RELL1: variants seen among roughly 807,000 people sequenced by gnomAD.
The protein encoded by RELL1 is RELT like 1, also known as RELT-like protein 1.
In RELL1, 10 loss-of-function variants were observed where a neutral mutation model predicts 23.0. The ratio of observed to expected loss-of-function variants is 0.43; its 90% CI spans 0.27 to 0.74. The LOEUF (loss-of-function observed/expected upper bound fraction) is 0.74. Ranked by LOEUF, RELL1 falls within the 30% of genes least tolerant of loss-of-function variation. The pLI is 0.19. For missense variants in RELL1, 315 were observed against 364.4 expected (o/e 0.86, Z 1.10); for synonymous variants, 146 against 146.8 (o/e 0.99, Z 0.04).
Position 37,679,883 on chromosome 4 carries a change from C to T in RELL1, c.88+6317G>A, listed in dbSNP as rs1028060183. Among the ~76,000 whole-genome samples, 5 of 150,450 alleles carry T rather than the reference C, an allele frequency of 3.3e-5. No homozygotes were observed. In the East Asian group the frequency reaches 5.9e-4, roughly 18 times the overall value. ...AGGAGAATCTCTTGAACCCGGGAGG[C>T]GGAGCTTGCAGTGACCCGAGATCAC... is the stretch of plus-strand genomic sequence containing the variant. On this transcript the variant is annotated intron_variant, in intron 1 of 6. Transcript: ENST00000454158.
intron 6 of RELL1, among the ~76,000 whole-genome samples, chr4:37,600,775 T>TTG (rs1164247377): frequency 3.7e-5 from 2 of 54,734 alleles, no homozygotes; most frequent in South Asian, 7.3e-4. Context: ...TAGTATGGAT[T>TTG]TGTGCGTGTG....
At chr4:37,622,695 G>A in intron 6 of RELL1, 1 of 413,880 alleles carries the variant, frequency 2.4e-6, no homozygotes, top group Non-Finnish European at 4.7e-6. Context: ...ATAAGCACTA[G>A]GATAGAAGCT....
chr4:37,598,252 C>CAAAAAAAA lies in RELL1; in HGVS notation c.*4-7043_*4-7036dup, dbSNP rs56142508. 9.7e-4 allele frequency among the ~76,000 whole-genome samples: 11 copies of CAAAAAAAA among 11,342 alleles called. 1 individual carries two copies. Among genetic ancestry groups the CAAAAAAAA allele is most frequent in the African/African-American group, 3.4e-3 (9 of 2,672 alleles). The allele number at this position is 11,342 out of a possible 152,430, so 7.4% of individuals were successfully genotyped here. On this transcript the variant is annotated intron_variant, in intron 6 of 6. Transcript: ENST00000314117. ...TGGGAAACAAAGTGCAACTCTGTCT[C>CAAAAAAAA]AAAAAAAAAAAAAAAAAAAAAAAAA...
At chr4:37,649,568 G>C (rs1720827322) in intron 1 of RELL1, 68 bp from the exon 2 acceptor site, 18 of 1,398,540 alleles carry the variant, frequency 1.3e-5, no homozygotes, top group South Asian at 7.4e-5. Flanking sequence ...ATGACTCTCA[G>C]GTAATGTTCA....
intron 4 of RELL1, 66 bp from the exon 5 acceptor site, chr4:37,635,189 TC>T: frequency 8.0e-7 from 1 of 1,251,170 alleles, no homozygotes; most frequent in South Asian, 1.2e-5. Context: ...GTGATCTCTC[TC>T]CCTGTGATGA....
chr4:37,651,549 T>G (rs1720938830), intron 1 of RELL1, among the ~76,000 whole-genome samples: 1 of 152,218 alleles, frequency 6.6e-6, no homozygotes, highest in South Asian at 2.1e-4. Context: ...GAATCCGTAT[T>G]GTAATTGAGA....
At chr4:37,635,191 C>G (rs940318544) in intron 4 of RELL1, 68 bp from the exon 5 acceptor site, 3 of 1,237,412 alleles carry the variant, frequency 2.4e-6, no homozygotes, top group African/African-American at 3.0e-5. Context: ...GATCTCTCTC[C>G]CTGTGATGAC....
chr4:37,639,684 C>T (rs1720457084), intron 3 of RELL1, among the ~76,000 whole-genome samples: 1 of 152,188 alleles, frequency 6.6e-6, no homozygotes, highest in African/African-American at 2.4e-5. Flanking sequence ...ATTGGCAAGG[C>T]CAAATGTTAT....
chr4:37,632,534 C>T (rs17577529), intron 5 of RELL1, among the ~76,000 whole-genome samples: 3,955 of 152,200 alleles, frequency 0.026, 200 homozygotes, highest in East Asian at 0.12. Context: ...ATTAGACTGA[C>T]GTAACCAGAA....
At chr4:37,594,403 T>A (rs769047649) in intron 6 of RELL1, among the ~76,000 whole-genome samples, 2 of 152,206 alleles carry the variant, frequency 1.3e-5, no homozygotes, top group Non-Finnish European at 2.9e-5. Flanking sequence ...TGGAAGGCAC[T>A]AACTGTGATT....
At chr4:37,624,212 T>C (rs978959326) in intron 6 of RELL1, among the ~76,000 whole-genome samples, 1 of 151,608 alleles carries the variant, frequency 6.6e-6, no homozygotes, top group Non-Finnish European at 1.5e-5. Context: ...CATGAAAGAG[T>C]CTTGACAAAG....
At chr4:37,626,199 C>T (rs962248435) in intron 6 of RELL1, among the ~76,000 whole-genome samples, 2 of 152,018 alleles carry the variant, frequency 1.3e-5, no homozygotes, top group Non-Finnish European at 2.9e-5. Context: ...AAAAATAGAC[C>T]GGGCACAGTG....
At chr4:37,651,608 T>G (rs1720941179) in intron 1 of RELL1, among the ~76,000 whole-genome samples, 1 of 152,194 alleles carries the variant, frequency 6.6e-6, no homozygotes, top group African/African-American at 2.4e-5. Context: ...GGGTCCCTGG[T>G]GAAACCCCAC....
chr4:37,647,214 GA>G (rs1720740465), intron 3 of RELL1, among the ~76,000 whole-genome samples, 153 bp downstream of exon 3: 1 of 152,206 alleles, frequency 6.6e-6, no homozygotes, highest in Non-Finnish European at 1.5e-5. Flanking sequence ...TCACTCATGT[GA>G]AACTTGCGTA....
intron 6 of RELL1, among the ~76,000 whole-genome samples, chr4:37,628,569 TACA>T (rs1250544815): frequency 3.9e-5 from 6 of 152,318 alleles, no homozygotes; most frequent in Non-Finnish European, 8.8e-5. Context: ...GAAAATCAAT[TACA>T]ACAAGTTGGA....
chr4:37,665,378 T>G (rs1207332511), intron 1 of RELL1: 2 of 447,434 alleles, frequency 4.5e-6, no homozygotes, highest in Non-Finnish European at 8.9e-6. Context: ...GTTTCCAGTT[T>G]GCAAAGATCC....
Position 37,631,506 on chromosome 4 carries a change from A to T in RELL1, c.698T>A (p.Val233Glu), listed in dbSNP as rs901447009. The change falls in exon 6 of 7, where the codon GTG (valine) becomes GAG (glutamate). Residue 233 changes from valine (V) to glutamate (E), a missense_variant. By Grantham distance (121) the Val-to-Glu change is moderately radical. Transcript: ENST00000454158. ...TTCCTTCTGGTTTGACTTGTGCTCC[A>T]CTTTTGTAACTCTAAATCTGAGGGG... ...LSVGRFRVTK[V>E]EHKSNQKERR... is the part of the protein sequence containing the mutation. The T allele has an allele frequency of 1.9e-6, 3 of 1,613,786 alleles. No homozygotes were observed. In the African/African-American group the frequency reaches 4.0e-5, roughly 22 times the overall value.
intron 1 of RELL1, among the ~76,000 whole-genome samples, chr4:37,667,960 G>A (rs1721594535): frequency 6.7e-6 from 1 of 149,272 alleles, no homozygotes; most frequent in Non-Finnish European, 1.5e-5. Flanking sequence ...AATTGTGAAT[G>A]AAAAATGTTA....
chr4:37,629,600 TTCTC>T (rs1461359545), intron 6 of RELL1, among the ~76,000 whole-genome samples: 2 of 152,134 alleles, frequency 1.3e-5, no homozygotes, highest in African/African-American at 2.4e-5. Flanking sequence ...TCTGTACTGT[TTCTC>T]TCTTTAAGAA....
Sources: allele counts gnomAD v4.1 joint callset (sites outside exome capture counted in the v4.1 genomes callset), GRCh38; gene constraint gnomAD v4.1.1; transcripts MANE v1.5; gene names NCBI Gene and HGNC (gene_info 2026-07-23, HGNC 2026-07-21).